The following LHX4 variants were observed in gnomAD, a reference collection of about 807,000 sequenced individuals.
LHX4 encodes LIM/homeobox protein Lhx4.
In LHX4, 16 loss-of-function variants were observed where a neutral mutation model predicts 39.2. That is an observed-to-expected ratio of 0.41 (90% CI 0.28 to 0.62). LHX4 has a LOEUF of 0.62. Ranked by LOEUF, LHX4 falls within the 20% of genes least tolerant of loss-of-function variation. The pLI, the probability that LHX4 is intolerant of heterozygous loss-of-function variation, is 0.33. For synonymous variants in LHX4, 206 were observed against 198.1 expected (o/e 1.04, Z -0.33); for missense variants, 439 against 511.9 (o/e 0.86, Z 1.37).
At position 180,234,061 on chromosome 1, in the gene LHX4, T is replaced by G. The variant is rs112046094; in HGVS notation, c.76+3456T>G. On this transcript the variant is annotated intron_variant, in intron 1 of 5. Transcript: ENST00000263726. This position sits in a 1 kb window ranked among gnomAD's most constrained non-coding sequence, Gnocchi z 4.8. ...ACATTTCTTAAGGGGGTGAGATGGA[T>G]TCACTGTCCAAGACAGGAGTTCACT... 3.3e-5 allele frequency among the ~76,000 whole-genome samples: 5 copies of G among 149,592 alleles called. No homozygotes were observed. The highest frequency in any genetic ancestry group is 1.2e-4 in the African/African-American group (5 of 40,666).
chr1:180,271,612 G>A, intron 4 of LHX4, 78 bp downstream of exon 4: 1 of 1,566,002 alleles, frequency 6.4e-7, no homozygotes, highest in Non-Finnish European at 8.8e-7. Flanking sequence ...AGTGACATCA[G>A]CTCACGGGTG....
chr1:180,274,165 C>T lies in LHX4; in HGVS notation c.779-20C>T, dbSNP rs781763077. Reference sequence around the variant, plus strand: ...AGAGTCCTGGCAGCTGACAATAAATCTCCGTTCTTTTGTCCACAGAGGATC... The same window carrying T: ...AGAGTCCTGGCAGCTGACAATAAATTTCCGTTCTTTTGTCCACAGAGGATC... On this transcript the variant is annotated intron_variant, in intron 5 of 5. Transcript: ENST00000263726. The T allele has an allele frequency of 1.6e-5, 26 of 1,614,034 alleles. No homozygotes were observed. The highest frequency in any genetic ancestry group is 1.7e-5 in the Admixed American group (1 of 60,010).
At chr1:180,250,568 C>T (rs919040703) in intron 2 of LHX4, among the ~76,000 whole-genome samples, 2 of 152,152 alleles carry the variant, frequency 1.3e-5, no homozygotes, top group East Asian at 1.9e-4. Flanking sequence ...GCTGGATGTC[C>T]GAGTCAGACC....
intron 2 of LHX4, among the ~76,000 whole-genome samples, chr1:180,258,476 AG>A (rs1647963297): frequency 1.3e-5 from 2 of 152,224 alleles, no homozygotes; most frequent in Middle Eastern, 6.8e-3. Flanking sequence ...TCAGCAGGGG[AG>A]GGCGAGGGTG....
intron 2 of LHX4, among the ~76,000 whole-genome samples, chr1:180,251,063 C>T (rs1647607393): frequency 6.6e-6 from 1 of 152,222 alleles, no homozygotes. Flanking sequence ...TAGTCTGCAA[C>T]CCTTCCCACC....
At chr1:180,271,203 T>C in intron 3 of LHX4, 177 bp from the exon 4 acceptor site, 1 of 704,188 alleles carries the variant, frequency 1.4e-6, no homozygotes, top group South Asian at 1.6e-5. Context: ...AGGCCCGTGG[T>C]GCAGGAGTCA....
intron 3 of LHX4, 181 bp from the exon 4 acceptor site, chr1:180,271,199 G>T (rs909275050): frequency 1.7e-5 from 12 of 690,848 alleles, no homozygotes; most frequent in Middle Eastern, 3.9e-4. Context: ...GGGAAGGCCC[G>T]TGGTGCAGGA....
chr1:180,274,564 T>A lies in LHX4; in HGVS notation c.1158T>A (p.Asp386Glu), dbSNP rs764386568. 9.5e-6 allele frequency: 15 copies of A among 1,580,094 alleles called. No homozygotes were observed. The highest frequency in any genetic ancestry group is 3.4e-5 in the Admixed American group (2 of 58,872). Residue 386 changes from aspartate (D) to glutamate (E), a missense_variant, in exon 6 of 6, where the codon GAT (aspartate) becomes GAA (glutamate). By Grantham distance (45) the Asp-to-Glu change is conservative (BLOSUM62 2). Coordinates refer to ENST00000263726, the MANE Select transcript of LHX4 (RefSeq NM_033343.4). ...TSPGSWLDEM[D>E]HPPF ...CAGGCTCTTGGCTCGATGAAATGGATCATCCTCCTTTTTAAACTTCTCTCC... is the reference window on the plus strand; with the variant it reads ...CAGGCTCTTGGCTCGATGAAATGGAACATCCTCCTTTTTAAACTTCTCTCC...
At chr1:180,259,498 G>A (rs972746419) in intron 2 of LHX4, among the ~76,000 whole-genome samples, 25 of 151,818 alleles carry the variant, frequency 1.6e-4, no homozygotes, top group Non-Finnish European at 5.9e-5. Context: ...GCGAGTGGAA[G>A]GCACAGTGGG....
intron 1 of LHX4, among the ~76,000 whole-genome samples, chr1:180,233,885 GTATTT>G (rs1246472992): frequency 2.4e-4 from 37 of 152,088 alleles, no homozygotes; most frequent in East Asian, 9.7e-4. Context: ...TAGGAAAAAG[GTATTT>G]TATTTTGTGT....
At chr1:180,251,934 G>A (rs1189426731) in intron 2 of LHX4, among the ~76,000 whole-genome samples, 6 of 152,206 alleles carry the variant, frequency 3.9e-5, no homozygotes, top group Non-Finnish European at 5.9e-5. Flanking sequence ...GGGCCAACCC[G>A]AGATGAAGAC....
chr1:180,263,935 G>A (rs549580468), intron 2 of LHX4, among the ~76,000 whole-genome samples: 4 of 152,196 alleles, frequency 2.6e-5, no homozygotes, highest in African/African-American at 7.2e-5. Flanking sequence ...GGGAGGGTTC[G>A]CAACAAGCAT....
upstream of LHX4, among the ~76,000 whole-genome samples, chr1:180,229,645 A>T (rs1664115005): frequency 6.6e-6 from 1 of 151,714 alleles, no homozygotes; most frequent in Non-Finnish European, 1.5e-5. Flanking sequence ...AGATGGAGTC[A>T]TCGGTTACGG....
At chr1:180,243,368 C>T (rs905032614) in intron 1 of LHX4, among the ~76,000 whole-genome samples, 3 of 152,000 alleles carry the variant, frequency 2.0e-5, no homozygotes, top group African/African-American at 7.2e-5. Context: ...ACGCCTCCTC[C>T]CTCAGGAGGA....
intron 2 of LHX4, among the ~76,000 whole-genome samples, chr1:180,253,928 G>A (rs995804100): frequency 6.6e-6 from 1 of 152,206 alleles, no homozygotes; most frequent in Non-Finnish European, 1.5e-5. Flanking sequence ...GCAGAACGGG[G>A]TGGGCTGTGG....
intron 2 of LHX4, among the ~76,000 whole-genome samples, chr1:180,250,718 C>T (rs906514186): frequency 2.0e-5 from 3 of 152,132 alleles, no homozygotes; most frequent in Non-Finnish European, 4.4e-5. Context: ...TTCCTCAGGG[C>T]CCTGTCTGAT....
At chr1:180,260,946 T>G (rs704336) in intron 2 of LHX4, among the ~76,000 whole-genome samples, 15,949 of 151,842 alleles carry the variant, frequency 0.11, 1,067 homozygotes, top group African/African-American at 0.12. Flanking sequence ...CCAGTTCTTA[T>G]CTGTTAAAAG....
chr1:180,229,830 T>C (rs1272554700), upstream of LHX4, among the ~76,000 whole-genome samples: 3 of 150,620 alleles, frequency 2.0e-5, no homozygotes, highest in Non-Finnish European at 4.4e-5. Flanking sequence ...CGCGCGGGCT[T>C]GGAACCCACG....
chr1:180,240,861 A>G (rs1416482055), intron 1 of LHX4, among the ~76,000 whole-genome samples: 2 of 152,202 alleles, frequency 1.3e-5, no homozygotes, highest in Non-Finnish European at 2.9e-5. Context: ...AATAAGCCCA[A>G]TGTGCCTCTG....
Sources: gnomAD v4.1 joint callset for allele counts (sites outside exome capture counted in the v4.1 genomes callset) on GRCh38, gnomAD v4.1.1 for gene constraint, Gnocchi (gnomAD v3.1) non-coding constraint, MANE v1.5 for transcripts, NCBI Gene and HGNC (gene_info 2026-07-23, HGNC 2026-07-21) for gene names.